Variants in BTBD7 observed in about 807,000 individuals in gnomAD.
The protein encoded by BTBD7 is BTB/POZ domain-containing protein 7.
A neutral mutation model predicts 99.9 loss-of-function variants in BTBD7; 38 were observed. The observed-to-expected ratio is 0.38, with a 90% confidence interval of 0.29 to 0.50. The LOEUF (loss-of-function observed/expected upper bound fraction) is 0.50. Ranked by LOEUF, BTBD7 falls within the 20% of genes least tolerant of loss-of-function variation. BTBD7 has a pLI of 0.93. For missense variants in BTBD7, 1,170 were observed against 1,394.6 expected, an observed-to-expected ratio of 0.84 and a Z score of 2.57; for synonymous variants, 520 against 511.4, an observed-to-expected ratio of 1.02 and a Z score of -0.23.
intron 3 of BTBD7, among the ~76,000 whole-genome samples, chr14:93,270,936 T>G (rs778707260): frequency 6.6e-6 from 1 of 152,204 alleles, no homozygotes; most frequent in Non-Finnish European, 1.5e-5. Context: ...TATTCTCTTT[T>G]ACTAGGATAT....
At chr14:93,331,805 T>C (rs1050821678) in intron 1 of BTBD7, among the ~76,000 whole-genome samples, 3 of 150,218 alleles carry the variant, frequency 2.0e-5, no homozygotes. Flanking sequence ...CGCTTGAACC[T>C]GAGAGGCGGA....
chr14:93,295,038 C>T lies in BTBD7; in HGVS notation c.83-101G>A, dbSNP rs753042105. 4.4e-6 allele frequency: 5 copies of T among 1,142,948 alleles called. No individual in the cohort carries two copies. The South Asian group carries it at 7.0e-5, about 16-fold the overall frequency. The allele number at this position is 1,142,948 out of a possible 1,614,324, so 70.8% of individuals were successfully genotyped here. A position where few individuals can be genotyped will look rare whatever the true frequency, so the allele number is the denominator to read the frequency against. ...GAAAAATTCTGTAAGCAGACATTACCGAACCACTCAAAATTGCATTTGTTT... is the reference window on the plus strand; with the variant it reads ...GAAAAATTCTGTAAGCAGACATTACTGAACCACTCAAAATTGCATTTGTTT... On this transcript the variant is annotated intron_variant, in intron 2 of 10. Coordinates refer to ENST00000334746, the MANE Select transcript of BTBD7 (RefSeq NM_001002860.4).
At chr14:93,264,070 T>C in intron 3 of BTBD7, 77 bp from the exon 4 acceptor site, 1 of 1,339,094 alleles carries the variant, frequency 7.5e-7, no homozygotes, top group Non-Finnish European at 1.0e-6. Flanking sequence ...AGGCACGATA[T>C]TTAAAAGTCA....
chr14:93,274,149 T>C (rs974849788), intron 3 of BTBD7, among the ~76,000 whole-genome samples: 3 of 152,190 alleles, frequency 2.0e-5, no homozygotes, highest in African/African-American at 7.2e-5. Context: ...ATGATGAAAA[T>C]CTAGTTTCAA....
chr14:93,320,745 C>CTTTT (rs10695970), intron 1 of BTBD7, among the ~76,000 whole-genome samples: 1 of 149,054 alleles, frequency 6.7e-6, no homozygotes, highest in African/African-American at 2.5e-5. Flanking sequence ...AGATAAACCA[C>CTTTT]TTTTTTTTTT....
chr14:93,274,050 TAAAG>T (rs148959262), intron 3 of BTBD7, among the ~76,000 whole-genome samples: 29,716 of 152,000 alleles, frequency 0.2, 4,302 homozygotes, highest in African/African-American at 0.41. Context: ...CAACTACTAA[TAAAG>T]AAACTAAGAG....
At chr14:93,264,686 G>A (rs2052523111) in intron 3 of BTBD7, among the ~76,000 whole-genome samples, 1 of 152,164 alleles carries the variant, frequency 6.6e-6, no homozygotes, top group Non-Finnish European at 1.5e-5. Context: ...AAATCTGAGT[G>A]ACAAAGATTA....
rs776633399 is a variant in BTBD7, at chr14:93,245,967, G to T, written c.2441C>A (p.Pro814Gln). Residue 814 changes from proline (P) to glutamine (Q), a missense_variant, in exon 10 of 11, where the codon CCA (proline) becomes CAA (glutamine). Around this residue, in one of 4 missense-constraint regions of BTBD7, gnomAD observed 495 missense variants for 525.9 expected, o/e 0.94. Coordinates refer to ENST00000334746, the MANE Select transcript of BTBD7 (RefSeq NM_001002860.4). Reference protein sequence around the residue: ...SRTAPKAGPPPVYLPSVKAAP... With the variant: ...SRTAPKAGPPQVYLPSVKAAP... ...AGCTTTCACACTCGGCAAGTAGACT[G>T]GGGGAGGGCCAGCTTTAGGAGCTGT... The T allele has an allele frequency of 5.0e-6, 8 of 1,614,040 alleles. No individual in the cohort carries two copies. Among genetic ancestry groups the T allele is most frequent in the African/African-American group, 2.7e-5 (2 of 74,912 alleles).
rs2052306603 is a variant in BTBD7, at chr14:93,246,170, T to C, written c.2238A>G (p.Thr746=). ...NSTPPAETMF[T]DLDSFVAFHP... ...GGAAGGCCACAAAAGAGTCCAGATC[T>C]GTAAACATGGTTTCTGCAGGAGGTG... Residue 746 remains threonine (T), a synonymous_variant, in exon 10 of 11, where the codon ACA becomes ACG. Transcript: ENST00000334746. 6.2e-7 allele frequency: 1 copy of C among 1,613,948 alleles called. No homozygotes were observed. The highest frequency in any genetic ancestry group is 8.5e-7 in the Non-Finnish European group (1 of 1,179,916).
chr14:93,293,456 A>C (rs2052882661), intron 3 of BTBD7, among the ~76,000 whole-genome samples: 1 of 152,180 alleles, frequency 6.6e-6, no homozygotes, highest in East Asian at 1.9e-4. Context: ...TTTTGTAATG[A>C]ATTTTTATTC....
Position 93,296,115 on chromosome 14 carries a change from T to A in BTBD7, c.-64A>T, listed in dbSNP as rs948923066. ...CAGAGTATAATCCCAGAGGCCTTTA[T>A]GAACCTTCAACCCTGGATCCAGCAG... On this transcript the variant is annotated 5_prime_UTR_variant, in exon 2 of 11. Coordinates refer to ENST00000334746, the MANE Select transcript of BTBD7 (RefSeq NM_001002860.4). The A allele has an allele frequency of 4.5e-5, 70 of 1,565,918 alleles. No individual in the cohort carries two copies. Among genetic ancestry groups the A allele is most frequent in the Non-Finnish European group, 5.5e-5 (64 of 1,154,298 alleles).
intron 3 of BTBD7, among the ~76,000 whole-genome samples, chr14:93,275,982 G>A (rs2052652415): frequency 6.6e-6 from 1 of 152,184 alleles, no homozygotes; most frequent in East Asian, 1.9e-4. Context: ...GGGAGGCTTA[G>A]GTGGGGCAGA....
chr14:93,268,212 CAG>C (rs61297560), intron 3 of BTBD7, among the ~76,000 whole-genome samples: 23,565 of 152,152 alleles, frequency 0.15, 2,809 homozygotes, highest in African/African-American at 0.33. Flanking sequence ...CTTTAAGTCT[CAG>C]CTTAGATGCT....
intron 3 of BTBD7, among the ~76,000 whole-genome samples, chr14:93,265,723 A>C (rs553658891): frequency 1.3e-5 from 2 of 152,346 alleles, no homozygotes; most frequent in East Asian, 3.9e-4. Context: ...GGAGTTCGAG[A>C]CCAGCTTGGC....
intron 4 of BTBD7, 26 bp downstream of exon 4, chr14:93,263,759 A>C (rs770135346): frequency 1.9e-6 from 3 of 1,588,232 alleles, no homozygotes; most frequent in African/African-American, 1.3e-5. Context: ...TGAATGACAG[A>C]GTTTGAGAGG....
intron 3 of BTBD7, among the ~76,000 whole-genome samples, chr14:93,287,374 G>GT (rs1340107727): frequency 8.9e-6 from 1 of 112,918 alleles, no homozygotes; most frequent in Non-Finnish European, 1.7e-5. Flanking sequence ...CTCCCCAGAG[G>GT]TAACTACTCT....
At chr14:93,251,109 T>A (rs974539137) in intron 8 of BTBD7, among the ~76,000 whole-genome samples, 1 of 152,348 alleles carries the variant, frequency 6.6e-6, no homozygotes, top group Middle Eastern at 3.4e-3. Flanking sequence ...GAGGTGTGCA[T>A]GCATGCACAT....
At position 93,242,384 on chromosome 14, in the gene BTBD7, G is replaced by A. The variant is rs1382540811; in HGVS notation, c.3288C>T (p.Ser1096=). The part of the protein sequence containing the change: ...RSGRRLADSE[S]LGHGAQRNTD... ...TATTTCTCTGAGCTCCATGGCCCAG[G>A]GACTCACTGTCTGCCAGTCTTCTAC... The change falls in exon 11 of 11, where the codon TCC becomes TCT. Residue 1096 remains serine, a synonymous_variant. Transcript: ENST00000334746. 1.9e-6 allele frequency: 3 copies of A among 1,613,982 alleles called. No individual in the cohort carries two copies. The African/African-American group carries it at 4.0e-5, about 22-fold the overall frequency.
intron 3 of BTBD7, among the ~76,000 whole-genome samples, chr14:93,266,672 G>A (rs1325567941): frequency 1.3e-5 from 2 of 152,132 alleles, no homozygotes; most frequent in African/African-American, 4.8e-5. Flanking sequence ...ATTAGGGATG[G>A]AGTATAAGGA....
Sources: gnomAD v4.1 joint callset for allele counts (sites outside exome capture counted in the v4.1 genomes callset) on GRCh38, gnomAD v4.1.1 for gene constraint, gnomAD v4.1.1 regional missense constraint, MANE v1.5 for transcripts, NCBI Gene and HGNC (gene_info 2026-07-23, HGNC 2026-07-21) for gene names.